SLC4A4: variants seen among roughly 807,000 people sequenced by gnomAD.
SLC4A4 encodes the protein electrogenic sodium bicarbonate cotransporter 1.
SLC4A4 carries 27 observed loss-of-function variants against 111.5 expected under a neutral mutation model. The ratio of observed to expected loss-of-function variants is 0.24; its 90% CI spans 0.18 to 0.33. The LOEUF is 0.33. Ranked by LOEUF, SLC4A4 falls within the 10% of genes least tolerant of loss-of-function variation. The pLI is 1.00. For missense variants in SLC4A4, 909 were observed against 1,315.5 expected, an observed-to-expected ratio of 0.69 and a Z score of 4.78; for synonymous variants, 443 against 463.4, an observed-to-expected ratio of 0.96 and a Z score of 0.57.
In SLC4A4 at chr4:71,439,468, A is replaced by AAAG. The variant is rs1560509644; in HGVS notation, c.808-1146_808-1145insGAA. Among the ~76,000 whole-genome samples the AAAG allele has an allele frequency of 2.0e-4, 28 of 138,426 alleles. 1 individual carries two copies. The highest frequency in any genetic ancestry group is 3.3e-4 in the Non-Finnish European group (21 of 62,976). 90.8% of individuals were successfully genotyped at this position (138,426 alleles called of 152,430 possible). A position where few individuals can be genotyped will look rare whatever the true frequency, so the allele number is the denominator to read the frequency against. ...AAAAAAAAAAAAAAAAAAAAAAAAA[A>AAAG]AAAGAAAAGAAAATCCCCAGCACCT... On this transcript the variant is annotated intron_variant, in intron 7 of 25. Transcript: ENST00000264485.
At chr4:71,451,166 T>G in intron 10 of SLC4A4, 22 bp from the exon 11 acceptor site, 1 of 1,420,288 alleles carries the variant, frequency 7.0e-7, no homozygotes, top group South Asian at 1.1e-5. Flanking sequence ...AATATACTCT[T>G]GGGCTCTGTT....
At position 71,497,843 on chromosome 4, in the gene SLC4A4, C is replaced by T. The variant is rs974136375; in HGVS notation, c.2166+151C>T. ...TTACACTTCAATCTTTGTTCATGTG[C>T]ATACTTATTAACGTAAGTCTAGTCA... On this transcript the variant is annotated intron_variant, in intron 16 of 25. Transcript: ENST00000264485. 3 of 700,504 alleles carry T rather than the reference C, an allele frequency of 4.3e-6. No individual in the cohort carries two copies. In the African/African-American group the frequency reaches 5.4e-5, roughly 13 times the overall value. 43.4% of individuals were successfully genotyped at this position (700,504 alleles called of 1,614,324 possible). A position where few individuals can be genotyped will look rare whatever the true frequency, so the allele number is the denominator to read the frequency against.
intron 14 of SLC4A4, among the ~76,000 whole-genome samples, chr4:71,480,387 A>G (rs1457733379): frequency 6.6e-6 from 1 of 151,464 alleles, no homozygotes. Context: ...AAAAAAAAAG[A>G]AAAACTTACT....
chr4:71,464,625 T>C (rs939971329), intron 12 of SLC4A4, among the ~76,000 whole-genome samples: 1 of 152,148 alleles, frequency 6.6e-6, no homozygotes, highest in African/African-American at 2.4e-5. Flanking sequence ...AGTGTGTGTA[T>C]TTGCCATGAG....
chr4:71,459,130 G>A (rs1344994653), intron 12 of SLC4A4, among the ~76,000 whole-genome samples: 1 of 151,988 alleles, frequency 6.6e-6, no homozygotes, highest in Non-Finnish European at 1.5e-5. Flanking sequence ...CTGTTTGATT[G>A]AGGTTAAGTA....
At chr4:71,448,017 T>C (rs1046423592) in intron 9 of SLC4A4, among the ~76,000 whole-genome samples, 14 of 152,138 alleles carry the variant, frequency 9.2e-5, no homozygotes, top group Non-Finnish European at 1.9e-4. Flanking sequence ...ATGTCAAATA[T>C]TCTTTAAAAA....
At chr4:71,134,835 G>T (rs567848804) in intron 2 of SLC4A4, among the ~76,000 whole-genome samples, 6 of 152,340 alleles carry the variant, frequency 3.9e-5, no homozygotes, top group Non-Finnish European at 5.9e-5. Context: ...AAAGGGTAGT[G>T]TCTGGAGAGC....
chr4:71,219,258 G>C (rs1476117464), intron 1 of SLC4A4, among the ~76,000 whole-genome samples: 1 of 152,186 alleles, frequency 6.6e-6, no homozygotes, highest in Non-Finnish European at 1.5e-5. Flanking sequence ...AAAATTAGAA[G>C]TGCTACTCCA....
intron 2 of SLC4A4, among the ~76,000 whole-genome samples, chr4:71,133,565 T>A (rs943309862): frequency 7.9e-5 from 12 of 152,174 alleles, no homozygotes; most frequent in Non-Finnish European, 1.3e-4. Context: ...ATTCCTTACA[T>A]TATGGCTGCC....
intron 17 of SLC4A4, among the ~76,000 whole-genome samples, chr4:71,533,753 A>G (rs1385994802): frequency 2.6e-5 from 4 of 152,216 alleles, no homozygotes; most frequent in African/African-American, 9.6e-5. Context: ...CAATAGTATA[A>G]ACAATTTCAT....
At chr4:71,350,615 G>A (rs756077390) in intron 5 of SLC4A4, among the ~76,000 whole-genome samples, 2 of 152,158 alleles carry the variant, frequency 1.3e-5, no homozygotes, top group Non-Finnish European at 2.9e-5. Context: ...AAAGAACCAA[G>A]TATATGTACA....
intron 24 of SLC4A4, among the ~76,000 whole-genome samples, chr4:71,565,664 G>T (rs866293880): frequency 1.3e-5 from 2 of 151,992 alleles, no homozygotes; most frequent in Middle Eastern, 3.4e-3. Flanking sequence ...AGTCATTTGT[G>T]CTAAGACTGT....
At chr4:71,236,511 G>C (rs1196039285) in intron 1 of SLC4A4, 65 bp from the exon 2 acceptor site, 9 of 1,449,138 alleles carry the variant, frequency 6.2e-6, no homozygotes, top group Non-Finnish European at 9.6e-7. Context: ...CAGAAGCTGG[G>C]CTGCTCCAAG....
chr4:71,546,870 T>C (rs530900181), intron 19 of SLC4A4, among the ~76,000 whole-genome samples: 171 of 152,120 alleles, frequency 1.1e-3, no homozygotes, highest in African/African-American at 1.9e-3. Context: ...TGAGTCTGCT[T>C]ATGACTTTTA....
intron 12 of SLC4A4, 101 bp from the exon 13 acceptor site, chr4:71,466,343 C>T: frequency 1.5e-6 from 2 of 1,323,326 alleles, no homozygotes; most frequent in East Asian, 2.3e-5. Flanking sequence ...TGCTAAGACC[C>T]TCCTAATAGT....
chr4:71,266,994 G>A (rs1369835635), intron 3 of SLC4A4, among the ~76,000 whole-genome samples: 1 of 152,168 alleles, frequency 6.6e-6, no homozygotes, highest in African/African-American at 2.4e-5. Context: ...AACTACATCA[G>A]TATCAGTATC....
At chr4:71,473,371 C>A in intron 14 of SLC4A4, 1 of 434,680 alleles carries the variant, frequency 2.3e-6, no homozygotes, top group Non-Finnish European at 4.1e-6. Context: ...TTAAGTAAAC[C>A]TTTAATACAT....
intron 2 of SLC4A4, among the ~76,000 whole-genome samples, chr4:71,144,835 A>G (rs1244797890): frequency 6.6e-6 from 1 of 152,192 alleles, no homozygotes; most frequent in Non-Finnish European, 1.5e-5. Flanking sequence ...TATCAGCTTA[A>G]GGGGATTTTG....
At chr4:71,200,474 A>G (rs2149002464) in intron 1 of SLC4A4, among the ~76,000 whole-genome samples, 1 of 152,286 alleles carries the variant, frequency 6.6e-6, no homozygotes, top group Non-Finnish European at 1.5e-5. Context: ...TATAATTCAG[A>G]CGTGGTCTCA....
Sources: allele counts gnomAD v4.1 joint callset (sites outside exome capture counted in the v4.1 genomes callset), GRCh38; gene constraint gnomAD v4.1.1; transcripts MANE v1.5; gene names NCBI Gene and HGNC (gene_info 2026-07-23, HGNC 2026-07-21).